FLNB: variants seen among roughly 807,000 people sequenced by gnomAD.
FLNB encodes filamin B.
A neutral mutation model predicts 250.6 loss-of-function variants in FLNB; 111 were observed. The ratio of observed to expected loss-of-function variants is 0.44; its 90% CI spans 0.38 to 0.52. FLNB has a LOEUF of 0.52. Among genes scored for constraint, FLNB ranks in the 20% least tolerant of loss-of-function variants. FLNB has a pLI of 0.00. For missense variants in FLNB, 2,869 were observed against 3,447.8 expected, an observed-to-expected ratio of 0.83 and a Z score of 4.20; for synonymous variants, 1,302 against 1,372.1, an observed-to-expected ratio of 0.95 and a Z score of 1.13.
chr3:58,162,674 A>C lies in FLNB; in HGVS notation c.7022-480A>C, dbSNP rs1008051438. 1.6e-5 allele frequency: 3 copies of C among 183,226 alleles called. No homozygotes were observed. In the South Asian group the frequency reaches 3.6e-4, roughly 22 times the overall value. The allele number at this position is 183,226 out of a possible 1,614,324, so 11.4% of individuals were successfully genotyped here. ...AAACTGAACTCCCCAATGGGTGAAC[A>C]AAGTAAAGAGTAGTAACCTGGAGTT... On this transcript the variant is annotated intron_variant, in intron 42 of 45. Coordinates refer to ENST00000295956, the MANE Select transcript of FLNB (RefSeq NM_001457.4).
At position 58,098,711 on chromosome 3, in the gene FLNB, G is replaced by C; in HGVS notation, c.1148G>C (p.Gly383Ala). Reference sequence around the variant, plus strand: ...TCATGGAATGCTTGCTTTCTTGTAGGAGCTGGTGTGGGTGACATTGGTGTG... The same window carrying C: ...TCATGGAATGCTTGCTTTCTTGTAGCAGCTGGTGTGGGTGACATTGGTGTG... ...KPTYFDIYTA[G>A]AGVGDIGVEV... The change falls in exon 8 of 46, where the codon GGA becomes GCA. Residue 383 changes from glycine (G) to alanine (A), a missense_variant and splice_region_variant. By Grantham distance (60) the Gly-to-Ala change is moderately conservative. Coordinates refer to ENST00000295956, the MANE Select transcript of FLNB (RefSeq NM_001457.4). 2 of 1,614,116 alleles carry C rather than the reference G, an allele frequency of 1.2e-6. No homozygotes were observed.
Position 58,163,154 on chromosome 3 carries a change from A to T in FLNB, c.7022A>T (p.Asp2341Val). 6.2e-7 allele frequency: 1 copy of T among 1,614,060 alleles called. No homozygotes were observed. The highest frequency in any genetic ancestry group is 8.5e-7 in the Non-Finnish European group (1 of 1,179,958). Residue 2341 changes from aspartate to valine, a missense_variant and splice_region_variant, in exon 43 of 46, where the codon GAT becomes GTT. Asp to Val is a radical substitution (Grantham distance 152). Transcript: ENST00000295956. The part of the protein sequence containing the change: ...EECHVSELEP[D>V]KYAVRFIPHE... Reference sequence around the variant, plus strand: ...CCTGTGCCTTTGCTCATTCTCCTAGATAAGTATGCTGTTCGCTTCATCCCT... The same window carrying T: ...CCTGTGCCTTTGCTCATTCTCCTAGTTAAGTATGCTGTTCGCTTCATCCCT...
In FLNB at chr3:58,105,220, A is replaced by G; in HGVS notation, c.1747+4A>G. 6.2e-7 allele frequency: 1 copy of G among 1,614,134 alleles called. No individual in the cohort carries two copies. The highest frequency in any genetic ancestry group is 1.1e-5 in the South Asian group (1 of 91,082). ...GGCTCTGAAGTGGGGTCTCTGGGTAAGTGGACACAGCTGACCAGCATCTTC... is the reference window on the plus strand; with the variant it reads ...GGCTCTGAAGTGGGGTCTCTGGGTAGGTGGACACAGCTGACCAGCATCTTC... On this transcript the variant is annotated splice_donor_region_variant and intron_variant, in intron 11 of 45. Coordinates refer to ENST00000295956, the MANE Select transcript of FLNB (RefSeq NM_001457.4).
chr3:58,103,876 G>A, intron 9 of FLNB, 83 bp from the exon 10 acceptor site: 2 of 1,548,414 alleles, frequency 1.3e-6, no homozygotes, highest in African/African-American at 1.4e-5. Flanking sequence ...TGTTCAGTGT[G>A]GCTGCCTCTC....
chr3:58,142,393 C>T lies in FLNB; in HGVS notation c.5182-257C>T, dbSNP rs2097328579. On this transcript the variant is annotated intron_variant, in intron 30 of 45. Transcript: ENST00000295956. The surrounding 1 kb of genome is among the most constrained non-coding windows in gnomAD (Gnocchi z 4.3). ...TTGCTGTCTCTCACTTTTCCACTTT[C>T]CCGTGGGTGCTGCTGGGAATTTTAC... is the stretch of plus-strand genomic sequence containing the variant. Among the ~76,000 whole-genome samples, 1 of 152,254 alleles carries T rather than the reference C, an allele frequency of 6.6e-6. No individual in the cohort carries two copies. Among genetic ancestry groups the T allele is most frequent in the African/African-American group, 2.4e-5 (1 of 41,468 alleles).
intron 37 of FLNB, 35 bp from the exon 38 acceptor site, chr3:58,150,070 T>A (rs1440394755): frequency 6.2e-7 from 1 of 1,614,290 alleles, no homozygotes; most frequent in Non-Finnish European, 8.5e-7. Flanking sequence ...CCTTGGCCTC[T>A]GGCCTGCTCA....
chr3:58,070,296 G>A (rs561538396), intron 1 of FLNB, among the ~76,000 whole-genome samples: 4 of 151,960 alleles, frequency 2.6e-5, no homozygotes, highest in Admixed American at 6.6e-5. Flanking sequence ...TGCCTGCCTC[G>A]GCCTCCCAAA....
intron 7 of FLNB, among the ~76,000 whole-genome samples, 169 bp downstream of exon 7, chr3:58,098,146 T>C (rs767607820): frequency 6.6e-6 from 1 of 152,272 alleles, no homozygotes; most frequent in African/African-American, 2.4e-5. Flanking sequence ...CCAGCTTTTC[T>C]TCTCTAAAAT....
chr3:58,116,484 C>T (rs897728728), intron 18 of FLNB, among the ~76,000 whole-genome samples: 1 of 152,164 alleles, frequency 6.6e-6, no homozygotes, highest in Non-Finnish European at 1.5e-5. Flanking sequence ...GGTTTTGCTC[C>T]CTGACACCTG....
intron 8 of FLNB, among the ~76,000 whole-genome samples, chr3:58,102,001 G>T (rs2097251937): frequency 6.6e-6 from 1 of 152,190 alleles, no homozygotes; most frequent in African/African-American, 2.4e-5. Flanking sequence ...GTCCTTCTGT[G>T]GTGTCACTGG....
In FLNB at chr3:58,123,146, G is replaced by A. The variant is rs2097291909; in HGVS notation, c.3180G>A (p.Glu1060=). Residue 1060 remains glutamate, a synonymous_variant, in exon 21 of 46, where the codon GAG becomes GAA. Transcript: ENST00000295956. The stretch of plus-strand genomic sequence containing the variant: ...GTGGTCTCGTGGGCAAGCCTGCCGA[G>A]TTCACCATCGATACCAAAGGAGCTG... ...LEGGLVGKPA[E]FTIDTKGAGT... The A allele has an allele frequency of 6.2e-7, 1 of 1,614,078 alleles. No homozygotes were observed. Among genetic ancestry groups the A allele is most frequent in the African/African-American group, 1.3e-5 (1 of 74,924 alleles).
chr3:58,081,549 G>C (rs2097209249), intron 3 of FLNB, 80 bp from the exon 4 acceptor site: 2 of 1,348,018 alleles, frequency 1.5e-6, no homozygotes, highest in Non-Finnish European at 1.1e-6. Context: ...GTAGTGCTTG[G>C]TTTAAGAGGC....
At chr3:58,086,547 T>G (rs2097217675) in intron 4 of FLNB, among the ~76,000 whole-genome samples, 1 of 152,254 alleles carries the variant, frequency 6.6e-6, no homozygotes, top group Non-Finnish European at 1.5e-5. Flanking sequence ...TTTTAAAATT[T>G]ATTTGTAGTT....
chr3:58,121,139 A>T (rs905721296), intron 19 of FLNB, 102 bp from the exon 20 acceptor site: 1 of 1,472,872 alleles, frequency 6.8e-7, no homozygotes, highest in Admixed American at 1.7e-5. Flanking sequence ...GTGGAGGCTG[A>T]GATAAGTCCC....
chr3:58,058,505 A>G (rs924506183), intron 1 of FLNB, among the ~76,000 whole-genome samples: 19 of 152,350 alleles, frequency 1.2e-4, no homozygotes, highest in African/African-American at 4.6e-4. Context: ...CCTCAAAATC[A>G]TCGCCTGTTG....
intron 26 of FLNB, 100 bp downstream of exon 26, chr3:58,133,031 C>G (rs1264997634): frequency 3.0e-6 from 4 of 1,337,908 alleles, no homozygotes; most frequent in Non-Finnish European, 4.1e-6. Flanking sequence ...CTCCATCATT[C>G]CATCCATCCA....
At chr3:58,081,592 G>T (rs2097209331) in intron 3 of FLNB, 37 bp from the exon 4 acceptor site, 1 of 1,607,982 alleles carries the variant, frequency 6.2e-7, no homozygotes, top group Admixed American at 1.7e-5. Flanking sequence ...GCAAAGTGAT[G>T]TGTTCTGGGT....
chr3:58,156,039 C>T lies in FLNB; in HGVS notation c.6852C>T (p.Ser2284=), dbSNP rs113304692. ...SPYLVPVIAP[S]DDARRLTVMS... ...ACCTGGTGCCGGTCATCGCACCCTC[C>T]GACGACGCCCGCCGCCTCACTGTTA... is the stretch of plus-strand genomic sequence containing the variant. Residue 2284 remains serine, a synonymous_variant, in exon 41 of 46, where the codon TCC becomes TCT. Coordinates refer to ENST00000295956, the MANE Select transcript of FLNB (RefSeq NM_001457.4). 72 of 1,613,962 alleles carry T rather than the reference C, an allele frequency of 4.5e-5. No homozygotes were observed. In the African/African-American group the frequency reaches 5.9e-4, roughly 13 times the overall value.
chr3:58,022,899 C>T (rs6796697), intron 1 of FLNB, among the ~76,000 whole-genome samples: 38,246 of 151,526 alleles, frequency 0.25, 5,241 homozygotes, highest in East Asian at 0.49. Flanking sequence ...CTCACTGCAA[C>T]CTCCGCCTCC....
Sources: gnomAD v4.1 joint callset for allele counts (sites outside exome capture counted in the v4.1 genomes callset) on GRCh38, gnomAD v4.1.1 for gene constraint, Gnocchi (gnomAD v3.1) non-coding constraint, MANE v1.5 for transcripts, NCBI Gene and HGNC (gene_info 2026-07-23, HGNC 2026-07-21) for gene names.